PHTF1: variants seen among roughly 807,000 people sequenced by gnomAD.
PHTF1 encodes protein PHTF1.
Under a neutral mutation model 102.4 loss-of-function variants are expected in PHTF1, and 88 were observed. That is an observed-to-expected ratio of 0.86 (90% CI 0.72 to 1.03). The LOEUF is 1.03. Ranked by LOEUF, PHTF1 falls within the 50% of genes least tolerant of loss-of-function variation. The pLI, the probability that PHTF1 is intolerant of heterozygous loss-of-function variation, is 0.00. For synonymous variants in PHTF1, 289 were observed against 305.2 expected (o/e 0.95, Z 0.55); for missense variants, 814 against 909.5 (o/e 0.89, Z 1.35).
chr1:113,706,302 C>T (rs1316691166), intron 12 of PHTF1, 140 bp from the exon 13 acceptor site: 1 of 807,412 alleles, frequency 1.2e-6, no homozygotes, highest in Non-Finnish European at 1.9e-6. Context: ...TTATGACTTT[C>T]AAATCTTATT....
chr1:113,697,790 C>T (rs1033380261), intron 18 of PHTF1, 65 bp from the exon 19 acceptor site: 4 of 1,051,766 alleles, frequency 3.8e-6, no homozygotes, highest in South Asian at 1.3e-5. Context: ...TATAGGTACA[C>T]TTACATGACT....
At chr1:113,709,855 T>A (rs1650787988) in intron 11 of PHTF1, among the ~76,000 whole-genome samples, 3 of 152,192 alleles carry the variant, frequency 2.0e-5, no homozygotes, top group Admixed American at 1.3e-4. Flanking sequence ...ATTAAAAGCA[T>A]TATTTATTTT....
intron 15 of PHTF1, among the ~76,000 whole-genome samples, chr1:113,702,279 A>G (rs985580303): frequency 6.6e-6 from 1 of 152,202 alleles, no homozygotes; most frequent in Non-Finnish European, 1.5e-5. Flanking sequence ...TAACAAGTTA[A>G]TAGGATTAGG....
chr1:113,721,856 A>T (rs565215322), intron 7 of PHTF1, among the ~76,000 whole-genome samples: 3 of 145,590 alleles, frequency 2.1e-5, no homozygotes, highest in South Asian at 2.2e-4. Context: ...CGCCCGGCTA[A>T]TTTTTTTTTT....
intron 11 of PHTF1, among the ~76,000 whole-genome samples, 153 bp downstream of exon 11, chr1:113,710,101 T>G (rs973676541): frequency 6.6e-6 from 1 of 152,202 alleles, no homozygotes; most frequent in Admixed American, 6.5e-5. Context: ...CATCTTCACT[T>G]ATAGACTATG....
intron 17 of PHTF1, 54 bp from the exon 18 acceptor site, chr1:113,698,441 CAG>C: frequency 6.5e-7 from 1 of 1,547,156 alleles, no homozygotes; most frequent in African/African-American, 1.4e-5. Context: ...CATAGCTACT[CAG>C]TGACTTCTTG....
At chr1:113,710,808 A>AT (rs1317170026) in intron 10 of PHTF1, among the ~76,000 whole-genome samples, 9 of 89,882 alleles carry the variant, frequency 1.0e-4, no homozygotes, top group African/African-American at 1.2e-4. Context: ...ATATATATAT[A>AT]TATTTTTTTT....
intron 6 of PHTF1, chr1:113,725,738 TG>T (rs1446613961): frequency 1.3e-5 from 2 of 151,984 alleles, no homozygotes; most frequent in African/African-American, 2.4e-5. Flanking sequence ...CCGAGGCGGG[TG>T]GATCACCTGA....
In PHTF1 at chr1:113,712,243, A is replaced by G. The variant is rs1344294478; in HGVS notation, c.784-130T>C. ...AAAGTAAACTAACCCAAAACTGAAC[A>G]AATCCATATATTACTTAATCTCAAT... On this transcript the variant is annotated intron_variant, in intron 8 of 18. Transcript: ENST00000369604. The G allele has an allele frequency of 6.3e-6, 4 of 638,352 alleles. No homozygotes were observed. The African/African-American group carries it at 7.3e-5, about 12-fold the overall frequency. 39.5% of individuals were successfully genotyped at this position (638,352 alleles called of 1,614,324 possible). A position where few individuals can be genotyped will look rare whatever the true frequency, so the allele number is the denominator to read the frequency against.
chr1:113,745,282 A>G (rs1019067453), intron 3 of PHTF1, among the ~76,000 whole-genome samples: 11 of 152,140 alleles, frequency 7.2e-5, no homozygotes, highest in Non-Finnish European at 1.5e-4. Flanking sequence ...AGTTTTAAGT[A>G]TGAGAAAAAT....
chr1:113,726,809 A>C (rs1653914681), intron 5 of PHTF1, among the ~76,000 whole-genome samples: 1 of 152,184 alleles, frequency 6.6e-6, no homozygotes. Flanking sequence ...CAGCATGATA[A>C]TTTAGATATT....
chr1:113,717,816 C>T (rs1410137878), intron 7 of PHTF1, among the ~76,000 whole-genome samples: 1 of 152,056 alleles, frequency 6.6e-6, no homozygotes, highest in Non-Finnish European at 1.5e-5. Context: ...AAAGACCAGC[C>T]CCCATGATTC....
In PHTF1 at chr1:113,738,171, C is replaced by T; in HGVS notation, c.270G>A (p.Trp90Ter). Residue 90 changes from tryptophan (W) to a stop codon, truncating the protein, a stop_gained, in exon 5 of 19, where the codon TGG (tryptophan) becomes TGA (stop). Coordinates refer to ENST00000369604, the MANE Select transcript of PHTF1 (RefSeq NM_001323043.2). LOFTEE classifies it high-confidence loss of function. Reference protein sequence around the residue: ...RVVFFPLFSNWWIQVTSLRIF... With the variant: ...RVVFFPLFSN ...TTCTTAAAGAGGTAACCTGAATCCA[C>T]CAATTGCTGAACAATGGAAAAAATA... The T allele has an allele frequency of 2.5e-6, 4 of 1,612,840 alleles. No homozygotes were observed. The highest frequency in any genetic ancestry group is 1.1e-5 in the South Asian group (1 of 91,052).
chr1:113,705,024 T>A (rs1054973963), intron 13 of PHTF1, among the ~76,000 whole-genome samples: 1 of 152,218 alleles, frequency 6.6e-6, no homozygotes, highest in African/African-American at 2.4e-5. Flanking sequence ...CACTCAACAT[T>A]TGCAAGGAAT....
intron 3 of PHTF1, among the ~76,000 whole-genome samples, chr1:113,753,151 T>G (rs1158993172): frequency 6.6e-6 from 1 of 152,242 alleles, no homozygotes; most frequent in Non-Finnish European, 1.5e-5. Context: ...CCATTTTATG[T>G]GTTGTAGAAT....
intron 8 of PHTF1, 36 bp downstream of exon 8, chr1:113,713,243 G>T: frequency 1.3e-6 from 2 of 1,584,256 alleles, no homozygotes; most frequent in Non-Finnish European, 1.7e-6. Flanking sequence ...GTTACATGGG[G>T]AAAAAAACCC....
At chr1:113,706,405 T>C (rs1280933801) in intron 12 of PHTF1, among the ~76,000 whole-genome samples, 189 bp downstream of exon 12, 3 of 152,048 alleles carry the variant, frequency 2.0e-5, no homozygotes, top group Non-Finnish European at 4.4e-5. Flanking sequence ...AAATAATGTA[T>C]ATACTACCAT....
chr1:113,742,340 G>C lies in PHTF1; in HGVS notation c.103-3541C>G, dbSNP rs1656501145. On this transcript the variant is annotated intron_variant, in intron 3 of 18. Transcript: ENST00000369604. ...ACAGTAAAAATATGGTATAAAAAATGGGGCTGGGCGCGGTGGCTCACACTT... is the reference window on the plus strand; with the variant it reads ...ACAGTAAAAATATGGTATAAAAAATCGGGCTGGGCGCGGTGGCTCACACTT... Among the ~76,000 whole-genome samples, 8 of 152,232 alleles carry C rather than the reference G, an allele frequency of 5.3e-5. No homozygotes were observed. In the South Asian group the frequency reaches 1.4e-3, roughly 28 times the overall value.
intron 7 of PHTF1, among the ~76,000 whole-genome samples, chr1:113,720,584 T>C (rs917657146): frequency 6.6e-6 from 1 of 152,208 alleles, no homozygotes; most frequent in African/African-American, 2.4e-5. Flanking sequence ...TAAAATGATA[T>C]CAAGTATCAC....
Sources: gnomAD v4.1 joint callset for allele counts (sites outside exome capture counted in the v4.1 genomes callset) on GRCh38, gnomAD v4.1.1 for gene constraint, MANE v1.5 for transcripts, NCBI Gene and HGNC (gene_info 2026-07-23, HGNC 2026-07-21) for gene names.